INSC: variants seen among roughly 807,000 people sequenced by gnomAD.
The protein encoded by INSC is protein inscuteable homolog.
INSC carries 67 observed loss-of-function variants against 58.6 expected under a neutral mutation model. That is an observed-to-expected ratio of 1.14 (90% CI 0.94 to 1.40). The LOEUF (loss-of-function observed/expected upper bound fraction) is 1.40, where lower values mean the gene tolerates loss of function less well. INSC is among the 40% of genes most tolerant of loss of function. INSC has a pLI of 0.00. For missense variants in INSC, 714 were observed against 692.0 expected (o/e 1.03, Z -0.36); for synonymous variants, 262 against 276.1 (o/e 0.95, Z 0.51).
chr11:15,117,557 G>A (rs1440844962), intron 1 of INSC, among the ~76,000 whole-genome samples: 2 of 152,178 alleles, frequency 1.3e-5, no homozygotes, highest in East Asian at 3.8e-4. Context: ...TATGTTAGTT[G>A]GAACCATTGC....
chr11:15,263,016 A>T, the INSC span, among the ~76,000 whole-genome samples: 1 of 152,182 alleles, frequency 6.6e-6, no homozygotes, highest in East Asian at 1.9e-4. Flanking sequence ...ATTAAAAATG[A>T]CCAGATAGAT....
intron 6 of INSC, among the ~76,000 whole-genome samples, chr11:15,196,150 G>A (rs1850361241): frequency 6.6e-6 from 1 of 152,222 alleles, no homozygotes; most frequent in South Asian, 2.1e-4. Context: ...TATTTACATG[G>A]GCCACACCCT....
chr11:15,207,447 C>T (rs1025657510), intron 7 of INSC, among the ~76,000 whole-genome samples: 3 of 152,116 alleles, frequency 2.0e-5, no homozygotes, highest in Non-Finnish European at 4.4e-5. Context: ...AAGAAAATCA[C>T]CAAGGGCAAG....
chr11:15,187,441 C>G (rs879897115), intron 5 of INSC, among the ~76,000 whole-genome samples: 5 of 152,146 alleles, frequency 3.3e-5, no homozygotes, highest in Non-Finnish European at 4.4e-5. Context: ...GGCTACTCTA[C>G]TATGTCTGAC....
At chr11:15,207,176 G>A (rs893739859) in intron 7 of INSC, among the ~76,000 whole-genome samples, 2 of 152,138 alleles carry the variant, frequency 1.3e-5, no homozygotes, top group Non-Finnish European at 2.9e-5. Flanking sequence ...GTGGCCAAAA[G>A]GAGTGGGGGG....
At chr11:15,149,487 A>G (rs1848582507) in intron 2 of INSC, among the ~76,000 whole-genome samples, 1 of 152,228 alleles carries the variant, frequency 6.6e-6, no homozygotes. Context: ...ACCATGAAAC[A>G]AAGAATCGAA....
At chr11:15,214,237 ACTTTGTGATTCC>A (rs1851131107) in intron 7 of INSC, among the ~76,000 whole-genome samples, 4 of 152,178 alleles carry the variant, frequency 2.6e-5, no homozygotes, top group African/African-American at 9.7e-5. Context: ...GATGCCAGTC[ACTTTGTGATTCC>A]CACTCATCAT....
chr11:15,114,219 G>A (rs1275747759), upstream of INSC, among the ~76,000 whole-genome samples: 1 of 130,384 alleles, frequency 7.7e-6, no homozygotes, highest in African/African-American at 2.9e-5. Flanking sequence ...AGTTCCTCTA[G>A]ATTTAGCTAT....
chr11:15,233,824 CCT>C lies in INSC; in HGVS notation c.1171-1777_1171-1776del, dbSNP rs200396732. Among the ~76,000 whole-genome samples the C allele has an allele frequency of 7.2e-5, 11 of 152,148 alleles. No individual in the cohort carries two copies. In the East Asian group the frequency reaches 2.1e-3, roughly 29 times the overall value. On this transcript the variant is annotated intron_variant, in intron 9 of 12. Transcript: ENST00000379556. ...CTGGTGATGGTGGGATGTCTCAGCC[CCT>C]GTGTGGTGGAAACAGAGTCCATGCT...
At chr11:15,180,691 G>GGGT (rs1188584228) in intron 5 of INSC, among the ~76,000 whole-genome samples, 2 of 94,112 alleles carry the variant, frequency 2.1e-5, no homozygotes, top group African/African-American at 8.8e-5. Flanking sequence ...GTGAGGGGGG[G>GGGT]GGCGGGGGGG....
chr11:15,179,543 G>T (rs1370419914), intron 5 of INSC, among the ~76,000 whole-genome samples: 1 of 152,168 alleles, frequency 6.6e-6, no homozygotes, highest in Admixed American at 6.5e-5. Context: ...CTGACATGCT[G>T]GTCCTGCCTC....
chr11:15,119,599 T>C (rs1192456631), intron 1 of INSC, among the ~76,000 whole-genome samples: 1 of 152,208 alleles, frequency 6.6e-6, no homozygotes, highest in Non-Finnish European at 1.5e-5. Flanking sequence ...GGTTTTGTCT[T>C]ACAAACCAAA....
At chr11:15,227,689 A>G (rs955069883) in intron 9 of INSC, among the ~76,000 whole-genome samples, 2 of 152,114 alleles carry the variant, frequency 1.3e-5, no homozygotes, top group African/African-American at 2.4e-5. Flanking sequence ...CCTGAGGGGG[A>G]CATGCCCCAT....
chr11:15,160,900 GA>G (rs1443877016), intron 2 of INSC, among the ~76,000 whole-genome samples: 1 of 152,200 alleles, frequency 6.6e-6, no homozygotes, highest in East Asian at 1.9e-4. Context: ...GGCACTGTCA[GA>G]AACCTCTTTG....
chr11:15,164,592 T>G (rs548735744), intron 2 of INSC, among the ~76,000 whole-genome samples: 1 of 152,344 alleles, frequency 6.6e-6, no homozygotes, highest in African/African-American at 2.4e-5. Context: ...CCTTCTAGTT[T>G]CAGCCACTGT....
At chr11:15,136,940 A>T (rs1848258429) in intron 1 of INSC, among the ~76,000 whole-genome samples, 1 of 152,200 alleles carries the variant, frequency 6.6e-6, no homozygotes, top group Non-Finnish European at 1.5e-5. Context: ...CCATCAGAGG[A>T]ATCACTATCT....
chr11:15,192,091 T>C (rs1383361015), intron 6 of INSC, among the ~76,000 whole-genome samples: 1 of 152,228 alleles, frequency 6.6e-6, no homozygotes, highest in Non-Finnish European at 1.5e-5. Context: ...ATTTAACTAA[T>C]GCTTCTCAAT....
At chr11:15,134,481 G>A (rs1848195987) in intron 1 of INSC, among the ~76,000 whole-genome samples, 1 of 152,192 alleles carries the variant, frequency 6.6e-6, no homozygotes, top group African/African-American at 2.4e-5. Context: ...TTAAATGTTT[G>A]TAGGTATTTA....
chr11:15,112,593 T>A (rs563601208), upstream of INSC: 6 of 22,294 alleles, frequency 2.7e-4, no homozygotes, highest in East Asian at 7.7e-3. Flanking sequence ...TGGATGTGAG[T>A]GTGTGTGTGT....
Sources: gnomAD v4.1 joint callset for allele counts (sites outside exome capture counted in the v4.1 genomes callset) on GRCh38, gnomAD v4.1.1 for gene constraint, MANE v1.5 for transcripts, NCBI Gene and HGNC (gene_info 2026-07-23, HGNC 2026-07-21) for gene names.